CRB1: variants seen among roughly 807,000 people sequenced by gnomAD.
CRB1 encodes crumbs cell polarity complex component 1.
CRB1 carries 83 observed loss-of-function variants against 120.0 expected under a neutral mutation model. That is an observed-to-expected ratio of 0.69 (90% CI 0.58 to 0.83). The LOEUF (loss-of-function observed/expected upper bound fraction) is 0.83. CRB1 is among the 40% of genes least tolerant of loss of function. The pLI is 0.00. For missense variants in CRB1, 1,699 were observed against 1,687.6 expected (o/e 1.01, Z -0.12); for synonymous variants, 625 against 612.5 (o/e 1.02, Z -0.30).
intron 1 of CRB1, among the ~76,000 whole-genome samples, chr1:197,323,907 G>A (rs530634734): frequency 1.2e-4 from 18 of 152,184 alleles, no homozygotes; most frequent in Middle Eastern, 6.8e-3. Context: ...CCTTTGAACC[G>A]GCAGGACCTG....
intron 1 of CRB1, 136 bp from the exon 2 acceptor site, chr1:197,328,286 G>C (rs1658635181): frequency 1.5e-6 from 1 of 676,012 alleles, no homozygotes; most frequent in Non-Finnish European, 2.6e-6. Flanking sequence ...AGATGACGTA[G>C]TTTTTTCATT....
intron 5 of CRB1, among the ~76,000 whole-genome samples, chr1:197,416,159 G>T (rs1388223754): frequency 6.6e-6 from 1 of 152,012 alleles, no homozygotes; most frequent in African/African-American, 2.4e-5. Context: ...TCACAAATTT[G>T]TCTTACTTTT....
chr1:197,372,277 G>A lies in CRB1; in HGVS notation c.1171+15264G>A, dbSNP rs571366567. ...CATCTTAACTTTAGATAGCCAGAAA[G>A]TAGTCTAAAGCCAGTCAGTTATCCA... On this transcript the variant is annotated intron_variant, in intron 5 of 11. Transcript: ENST00000367400. 9.9e-5 allele frequency among the ~76,000 whole-genome samples: 15 copies of A among 152,248 alleles called. No homozygotes were observed. The South Asian group carries it at 1.9e-3, about 19-fold the overall frequency.
intron 1 of CRB1, among the ~76,000 whole-genome samples, chr1:197,325,173 G>C (rs930738837): frequency 2.0e-5 from 3 of 152,106 alleles, no homozygotes; most frequent in Non-Finnish European, 2.9e-5. Flanking sequence ...GCTATGTCCT[G>C]ATTAAAGATG....
chr1:197,452,362 T>C (rs1018556072), intron 11 of CRB1, among the ~76,000 whole-genome samples: 4 of 152,184 alleles, frequency 2.6e-5, no homozygotes, highest in African/African-American at 7.2e-5. Context: ...TTCATCAAAA[T>C]GTAGTCTTAG....
the CRB1 span, among the ~76,000 whole-genome samples, chr1:197,246,460 A>T: frequency 6.6e-6 from 1 of 151,974 alleles, no homozygotes. Flanking sequence ...AAACCCAAGG[A>T]GCTTACCACC....
chr1:197,226,281 T>A, the CRB1 span, among the ~76,000 whole-genome samples: 1 of 152,246 alleles, frequency 6.6e-6, no homozygotes, highest in Non-Finnish European at 1.5e-5. Flanking sequence ...ATTAAGCTAC[T>A]AATATATTTT....
chr1:197,226,211 T>G, the CRB1 span, among the ~76,000 whole-genome samples: 1 of 152,230 alleles, frequency 6.6e-6, no homozygotes, highest in Non-Finnish European at 1.5e-5. Context: ...ACCCAATTGA[T>G]GTGATTCTAC....
intron 1 of CRB1, among the ~76,000 whole-genome samples, chr1:197,303,111 A>G: frequency 9.5e-6 from 1 of 105,010 alleles, no homozygotes. Context: ...TTATTCTTTT[A>G]TTTATTTATT....
At chr1:197,344,500 G>T (rs764798003) in intron 3 of CRB1, 24 bp downstream of exon 3, 1 of 1,603,756 alleles carries the variant, frequency 6.2e-7, no homozygotes, top group Non-Finnish European at 8.5e-7. Flanking sequence ...GGCGTTGGGT[G>T]ATTGGCTTAG....
intron 5 of CRB1, among the ~76,000 whole-genome samples, chr1:197,370,191 G>A (rs1288720214): frequency 6.6e-6 from 1 of 151,676 alleles, no homozygotes; most frequent in Non-Finnish European, 1.5e-5. Flanking sequence ...CCAAAATAGA[G>A]CATTCTTAAA....
At chr1:197,385,863 A>C (rs906879597) in intron 5 of CRB1, among the ~76,000 whole-genome samples, 9 of 152,024 alleles carry the variant, frequency 5.9e-5, no homozygotes, top group Non-Finnish European at 1.2e-4. Flanking sequence ...TCAGAGCTTT[A>C]AAAAAAGAAG....
intron 11 of CRB1, among the ~76,000 whole-genome samples, chr1:197,466,111 C>T (rs902924523): frequency 2.0e-5 from 3 of 152,206 alleles, no homozygotes; most frequent in Non-Finnish European, 4.4e-5. Flanking sequence ...GGTGGTTTGG[C>T]ATCCACTTCT....
chr1:197,363,925 G>A lies in CRB1; in HGVS notation c.1171+6912G>A, dbSNP rs1660919647. The A allele has an allele frequency of 5.4e-6, 7 of 1,293,606 alleles. 1 individual carries two copies. In the Middle Eastern group the frequency reaches 7.4e-4, roughly 138 times the overall value. The allele number at this position is 1,293,606 out of a possible 1,614,324, so 80.1% of individuals were successfully genotyped here. ...AATCCTCACTACGGATGGGCTCACT[G>A]AGGACATTAAGCTTCGGCGGTATTA... On this transcript the variant is annotated intron_variant, in intron 5 of 11. Transcript: ENST00000367400.
intron 1 of CRB1, among the ~76,000 whole-genome samples, chr1:197,318,369 A>G (rs1238985454): frequency 2.6e-5 from 4 of 152,172 alleles, no homozygotes; most frequent in African/African-American, 9.7e-5. Context: ...GATGTGGAGA[A>G]AAGAGAAATT....
At chr1:197,345,876 T>G (rs1271393064) in intron 3 of CRB1, among the ~76,000 whole-genome samples, 4 of 152,136 alleles carry the variant, frequency 2.6e-5, no homozygotes, top group African/African-American at 4.8e-5. Context: ...ACATTCCATG[T>G]CTTGCCTTTG....
chr1:197,322,463 A>T lies in CRB1; in HGVS notation c.71-5959A>T, dbSNP rs537268943. ...GGGTGACAGAGTGAGACTCTGTCTC[A>T]AATAATAATAATAATAATAATAATA... On this transcript the variant is annotated intron_variant, in intron 1 of 11. Coordinates refer to ENST00000367400, the MANE Select transcript of CRB1 (RefSeq NM_201253.3). 1.1e-4 allele frequency among the ~76,000 whole-genome samples: 17 copies of T among 150,242 alleles called. No individual in the cohort carries two copies. The South Asian group carries it at 3.6e-3, about 32-fold the overall frequency.
At chr1:197,234,851 G>C in the CRB1 span, among the ~76,000 whole-genome samples, 1 of 152,232 alleles carries the variant, frequency 6.6e-6, no homozygotes, top group Non-Finnish European at 1.5e-5. Flanking sequence ...GAGGAAAGCA[G>C]TCAATTAGGC....
chr1:197,476,911 G>A (rs1667222331), intron 11 of CRB1, among the ~76,000 whole-genome samples: 1 of 152,116 alleles, frequency 6.6e-6, no homozygotes, highest in Admixed American at 6.5e-5. Flanking sequence ...TTGTTAAACT[G>A]ATAAGAGCTC....
Sources: allele counts gnomAD v4.1 joint callset (sites outside exome capture counted in the v4.1 genomes callset), GRCh38; gene constraint gnomAD v4.1.1; transcripts MANE v1.5; gene names NCBI Gene and HGNC (gene_info 2026-07-23, HGNC 2026-07-21).